FAR1: variants seen among roughly 807,000 people sequenced by gnomAD.
FAR1 encodes the protein fatty acyl-CoA reductase 1, also known as male sterility domain-containing protein 2.
In FAR1, 22 loss-of-function variants were observed where a neutral mutation model predicts 61.1. The observed-to-expected ratio is 0.36, with a 90% CI of 0.26 to 0.51. The LOEUF is 0.51. Ranked by LOEUF, FAR1 falls within the 20% of genes least tolerant of loss-of-function variation. The pLI is 0.95. For synonymous variants in FAR1, 206 were observed against 209.7 expected (o/e 0.98, Z 0.15); for missense variants, 359 against 626.9 (o/e 0.57, Z 4.56).
At position 13,710,711 on chromosome 11, in the gene FAR1, A is replaced by C. The variant is rs149868108; in HGVS notation, c.564A>C (p.Leu188=). ...TTACCAGGTGGATGGATGATGGCCT[A>C]GTAAATGATATCACGCCAAAATTGA... ...IDSLEWMDDG[L]VNDITPKLIG... The change falls in exon 5 of 12, where the codon CTA becomes CTC. Residue 188 remains leucine (L), a synonymous_variant. Coordinates refer to ENST00000354817, the MANE Select transcript of FAR1 (RefSeq NM_032228.6). 6.3e-7 allele frequency: 1 copy of C among 1,594,920 alleles called. No homozygotes were observed. Among genetic ancestry groups the C allele is most frequent in the East Asian group, 2.3e-5 (1 of 44,134 alleles).
At chr11:13,686,672 A>G (rs1848189805) in intron 1 of FAR1, 1 of 151,878 alleles carries the variant, frequency 6.6e-6, no homozygotes. Flanking sequence ...CACTTTTCTG[A>G]TTATTGGAAT....
intron 1 of FAR1, among the ~76,000 whole-genome samples, chr11:13,681,894 T>TTA (rs1565339443): frequency 2.0e-5 from 3 of 152,030 alleles, no homozygotes; most frequent in African/African-American, 7.3e-5. Context: ...TCTGTGCTTT[T>TTA]TTATTATTAT....
At chr11:13,715,576 T>A (rs1182235239) in intron 9 of FAR1, among the ~76,000 whole-genome samples, 4 of 152,170 alleles carry the variant, frequency 2.6e-5, no homozygotes, top group African/African-American at 9.7e-5. Context: ...TATAATATGG[T>A]TATTTCAGTT....
At chr11:13,698,464 T>C (rs1225852568) in intron 2 of FAR1, among the ~76,000 whole-genome samples, 3 of 151,986 alleles carry the variant, frequency 2.0e-5, no homozygotes, top group Non-Finnish European at 4.4e-5. Context: ...ACGACAAGAG[T>C]GTCCTAAAAC....
At chr11:13,708,186 A>AC (rs1848455265) in intron 4 of FAR1, 107 bp downstream of exon 4, 5 of 670,290 alleles carry the variant, frequency 7.5e-6, no homozygotes, top group Middle Eastern at 4.7e-4. Context: ...ACATAGTGAA[A>AC]CCCCATCTCA....
At chr11:13,687,614 A>G (rs953240796) in intron 1 of FAR1, among the ~76,000 whole-genome samples, 9 of 152,166 alleles carry the variant, frequency 5.9e-5, no homozygotes, top group Non-Finnish European at 1.0e-4. Flanking sequence ...TCTCATTTTT[A>G]TTGGCTTTGC....
chr11:13,711,732 G>GCT, intron 5 of FAR1, 32 bp from the exon 6 acceptor site: 1 of 1,500,742 alleles, frequency 6.7e-7, no homozygotes, highest in Non-Finnish European at 9.2e-7. Context: ...ATGTTTCTAA[G>GCT]CTTCTCTCCC....
chr11:13,676,288 G>A (rs1158193179), intron 1 of FAR1, among the ~76,000 whole-genome samples: 1 of 152,096 alleles, frequency 6.6e-6, no homozygotes. Context: ...TAAAGATTTT[G>A]GAATAAGCAT....
chr11:13,671,823 C>A (rs897693008), intron 1 of FAR1, among the ~76,000 whole-genome samples: 2 of 152,142 alleles, frequency 1.3e-5, no homozygotes, highest in South Asian at 4.1e-4. Context: ...ATGCCAGGCA[C>A]TGTAGTAAGT....
At position 13,728,860 on chromosome 11, in the gene FAR1, G is replaced by T. The variant is rs1418755588; in HGVS notation, c.*86G>T. 13 of 1,279,522 alleles carry T rather than the reference G, an allele frequency of 1.0e-5. No homozygotes were observed. The highest frequency in any genetic ancestry group is 1.2e-5 in the Non-Finnish European group (11 of 918,438). The allele number at this position is 1,279,522 out of a possible 1,614,324, so 79.3% of individuals were successfully genotyped here. ...AAATGTATAAGTCATCTCACTTTTT[G>T]TCAAGACATTAAACCATCTTAGATC... is the stretch of plus-strand genomic sequence containing the variant. On this transcript the variant is annotated 3_prime_UTR_variant, in exon 12 of 12. Coordinates refer to ENST00000354817, the MANE Select transcript of FAR1 (RefSeq NM_032228.6).
intron 1 of FAR1, among the ~76,000 whole-genome samples, chr11:13,679,565 T>C (rs1848103272): frequency 6.6e-6 from 1 of 152,192 alleles, no homozygotes; most frequent in African/African-American, 2.4e-5. Context: ...CTGTAGGCTT[T>C]ATAGTAGAGA....
chr11:13,710,774 A>G lies in FAR1; in HGVS notation c.627A>G (p.Ala209=). ...CTAATACATACATATACACAAAAGCATTGGCAGAATATGTTGTACAACAAG... is the reference window on the plus strand; with the variant it reads ...CTAATACATACATATACACAAAAGCGTTGGCAGAATATGTTGTACAACAAG... ...DRPNTYIYTK[A]LAEYVVQQEG... The change falls in exon 5 of 12, where the codon GCA becomes GCG. Residue 209 remains alanine, a synonymous_variant. Coordinates refer to ENST00000354817, the MANE Select transcript of FAR1 (RefSeq NM_032228.6). 2 of 1,613,052 alleles carry G rather than the reference A, an allele frequency of 1.2e-6. No individual in the cohort carries two copies. The highest frequency in any genetic ancestry group is 1.7e-6 in the Non-Finnish European group (2 of 1,179,516).
At chr11:13,683,960 A>G (rs1848158526) in intron 1 of FAR1, among the ~76,000 whole-genome samples, 1 of 152,244 alleles carries the variant, frequency 6.6e-6, no homozygotes, top group African/African-American at 2.4e-5. Flanking sequence ...ATGATGATAC[A>G]GAAAGATGCA....
chr11:13,698,755 C>G (rs890530398), intron 2 of FAR1, among the ~76,000 whole-genome samples: 6 of 151,554 alleles, frequency 4.0e-5, no homozygotes, highest in Non-Finnish European at 1.5e-5. Context: ...GGTGTGAACC[C>G]GTGAGGTGGA....
At chr11:13,672,234 T>G (rs1425486458) in intron 1 of FAR1, among the ~76,000 whole-genome samples, 1 of 152,184 alleles carries the variant, frequency 6.6e-6, no homozygotes, top group Non-Finnish European at 1.5e-5. Context: ...GTATGACCCC[T>G]TGTAATGTTT....
intron 1 of FAR1, among the ~76,000 whole-genome samples, chr11:13,692,499 A>C (rs1297219924): frequency 6.6e-6 from 1 of 152,216 alleles, no homozygotes; most frequent in Non-Finnish European, 1.5e-5. Context: ...CAGTCTCACC[A>C]ACAGTGTATG....
At chr11:13,708,447 G>GCGCGCGCGCACA (rs139902063) in intron 4 of FAR1, among the ~76,000 whole-genome samples, 2 of 136,700 alleles carry the variant, frequency 1.5e-5, no homozygotes, top group African/African-American at 5.5e-5. Context: ...GCGCGCGCGC[G>GCGCGCGCGCACA]CACACACACA....
intron 3 of FAR1, among the ~76,000 whole-genome samples, chr11:13,703,820 G>A (rs1196999725): frequency 6.6e-6 from 1 of 151,968 alleles, no homozygotes; most frequent in African/African-American, 2.4e-5. Context: ...GAGGCAGGTG[G>A]ATCACCTGAG....
chr11:13,697,843 A>C (rs536324910), intron 2 of FAR1, among the ~76,000 whole-genome samples: 1 of 152,252 alleles, frequency 6.6e-6, no homozygotes, highest in South Asian at 2.1e-4. Flanking sequence ...ATATTCTTCA[A>C]GTTTCAGGCT....
Sources: gnomAD v4.1 joint callset for allele counts (sites outside exome capture counted in the v4.1 genomes callset) on GRCh38, gnomAD v4.1.1 for gene constraint, MANE v1.5 for transcripts, NCBI Gene and HGNC (gene_info 2026-07-23, HGNC 2026-07-21) for gene names.